The following PCBP3 variants were observed in gnomAD, a reference collection of about 807,000 sequenced individuals.
PCBP3 encodes poly(rC) binding protein 3.
A neutral mutation model predicts 52.7 loss-of-function variants in PCBP3; 25 were observed. The ratio of observed to expected loss-of-function variants is 0.47; its 90% CI spans 0.35 to 0.66. The LOEUF (loss-of-function observed/expected upper bound fraction) is 0.66, where lower values mean the gene tolerates loss of function less well. Among genes scored for constraint, PCBP3 ranks in the 30% least tolerant of loss-of-function variants. PCBP3 has a pLI of 0.01. For missense variants in PCBP3, 391 were observed against 490.3 expected (o/e 0.80, Z 1.91); for synonymous variants, 162 against 183.0 (o/e 0.89, Z 0.93).
intron 9 of PCBP3, among the ~76,000 whole-genome samples, chr21:45,908,209 C>G (rs1015554639): frequency 1.3e-5 from 2 of 152,158 alleles, no homozygotes; most frequent in African/African-American, 4.8e-5. Flanking sequence ...TGCAGTGACT[C>G]CATTCAAGGA....
chr21:45,936,542 A>G (rs1415044336), intron 16 of PCBP3, among the ~76,000 whole-genome samples: 1 of 152,192 alleles, frequency 6.6e-6, no homozygotes, highest in East Asian at 1.9e-4. Context: ...GGCACAGCCA[A>G]CTGGTCCCTG....
chr21:45,848,072 A>C (rs1048620782), intron 4 of PCBP3: 9 of 152,166 alleles, frequency 5.9e-5, no homozygotes, highest in Non-Finnish European at 1.3e-4. Flanking sequence ...TTACCAGTAG[A>C]GGGTGTCCAG....
chr21:45,740,595 CATGT>C (rs2086354440), intron 3 of PCBP3, among the ~76,000 whole-genome samples: 2 of 148,016 alleles, frequency 1.4e-5, no homozygotes, highest in African/African-American at 5.0e-5. Context: ...TGTGTGTGTG[CATGT>C]GAGTGTGTGT....
chr21:45,712,368 C>A (rs7278438), intron 2 of PCBP3, among the ~76,000 whole-genome samples: 104,042 of 152,134 alleles, frequency 0.68, 37,010 homozygotes, highest in African/African-American at 0.88. Flanking sequence ...TTCCACCAGC[C>A]GTGAATGAGA....
At chr21:45,855,925 C>A (rs914298994) in intron 5 of PCBP3, among the ~76,000 whole-genome samples, 1 of 152,228 alleles carries the variant, frequency 6.6e-6, no homozygotes, top group African/African-American at 2.4e-5. Context: ...CCGTACAAAC[C>A]GTAACATCTC....
rs55912352 is a variant in PCBP3 at position 45,853,213 on chromosome 21, G to A, written c.10+3118G>A. 0.12 allele frequency among the ~76,000 whole-genome samples: 18,401 copies of A among 152,176 alleles called. 1,238 individuals carry two copies. The highest frequency in any genetic ancestry group is 0.27 in the Middle Eastern group (80 of 294). On this transcript the variant is annotated intron_variant, in intron 5 of 17. Coordinates refer to ENST00000681687, the MANE Select transcript of PCBP3 (RefSeq NM_001384156.1). The surrounding 1 kb of genome is among the most constrained non-coding windows in gnomAD (Gnocchi z 4.6). ...GGGTTCATGGAGACAGATGCACACA[G>A]CATCTCCTTGTTGTGCTCCGTGGAT...
At chr21:45,815,171 GGTGAGTGGTGA>G (rs2092861838) in intron 4 of PCBP3, among the ~76,000 whole-genome samples, 1 of 75,596 alleles carries the variant, frequency 1.3e-5, no homozygotes, top group Admixed American at 1.4e-4. Flanking sequence ...AGTAGTGAGT[GGTGAGTGGTGA>G]GTGAGTGGTG....
At chr21:45,873,430 A>C (rs1415836809) in intron 5 of PCBP3, 1 of 152,218 alleles carries the variant, frequency 6.6e-6, no homozygotes, top group Non-Finnish European at 1.5e-5. Context: ...TTATCATTTC[A>C]GCCTTTTTCT....
At chr21:45,873,992 C>T (rs1441353257) in intron 5 of PCBP3, among the ~76,000 whole-genome samples, 1 of 152,238 alleles carries the variant, frequency 6.6e-6, no homozygotes, top group Admixed American at 6.5e-5. Context: ...TCAAGTGATC[C>T]ACCCGCCTCA....
chr21:45,846,488 T>C (rs886089349), intron 4 of PCBP3, among the ~76,000 whole-genome samples: 1 of 152,146 alleles, frequency 6.6e-6, no homozygotes, highest in South Asian at 2.1e-4. Context: ...ATCTCTATTA[T>C]TGGAGTACAA....
intron 13 of PCBP3, 96 bp from the exon 14 acceptor site, chr21:45,929,821 C>A: frequency 1.1e-6 from 1 of 890,794 alleles, no homozygotes; most frequent in Non-Finnish European, 1.9e-6. Flanking sequence ...CTCTTTCTAT[C>A]TATCTGTGCA....
intron 1 of PCBP3, among the ~76,000 whole-genome samples, chr21:45,666,582 A>C (rs1161700415): frequency 6.6e-6 from 1 of 152,020 alleles, no homozygotes; most frequent in Non-Finnish European, 1.5e-5. Flanking sequence ...AGAGTGTCTT[A>C]ATTTCTCCTT....
At chr21:45,705,443 C>A (rs1001859131) in intron 2 of PCBP3, among the ~76,000 whole-genome samples, 1 of 152,232 alleles carries the variant, frequency 6.6e-6, no homozygotes, top group Non-Finnish European at 1.5e-5. Context: ...GTCCCCTGTG[C>A]ACATAGAGAC....
At chr21:45,765,914 A>G (rs2089271788) in intron 4 of PCBP3, among the ~76,000 whole-genome samples, 1 of 152,236 alleles carries the variant, frequency 6.6e-6, no homozygotes, top group Non-Finnish European at 1.5e-5. Flanking sequence ...AAAATAATGT[A>G]TTCAAGTGGA....
intron 6 of PCBP3, among the ~76,000 whole-genome samples, chr21:45,897,316 G>A (rs1402608533): frequency 1.3e-5 from 2 of 152,176 alleles, no homozygotes; most frequent in Admixed American, 1.3e-4. Flanking sequence ...CCTGTCTCAA[G>A]TCCCTTCCAC....
rs2085207399 is a variant in PCBP3 at position 45,728,315 on chromosome 21, CAA to C, written c.-199-7075_-199-7074del. Among the ~76,000 whole-genome samples the C allele has an allele frequency of 2.0e-5, 3 of 152,096 alleles. No homozygotes were observed. In the South Asian group the frequency reaches 6.2e-4, roughly 31 times the overall value. On this transcript the variant is annotated intron_variant, in intron 2 of 17. Transcript: ENST00000681687. ...ATCATGAGTTAATACTGAATTTTGT[CAA>C]ATGTTTTCTCTGTATCTATTGAGAT...
At chr21:45,940,485 G>C (rs1290743899) in intron 17 of PCBP3, among the ~76,000 whole-genome samples, 7 of 152,224 alleles carry the variant, frequency 4.6e-5, no homozygotes, top group African/African-American at 1.7e-4. Context: ...GCCTCAGACA[G>C]GTGGCCAGAA....
intron 3 of PCBP3, among the ~76,000 whole-genome samples, chr21:45,751,902 C>T (rs2087547219): frequency 6.6e-6 from 1 of 152,198 alleles, no homozygotes; most frequent in African/African-American, 2.4e-5. Flanking sequence ...AGCACCTTTT[C>T]ATATGTTTAA....
At chr21:45,905,171 C>T (rs1339760800) in intron 9 of PCBP3, among the ~76,000 whole-genome samples, 1 of 152,156 alleles carries the variant, frequency 6.6e-6, no homozygotes, top group Non-Finnish European at 1.5e-5. Flanking sequence ...ATCCAAACTT[C>T]GAGGCTTAGC....
Sources: allele counts gnomAD v4.1 joint callset (sites outside exome capture counted in the v4.1 genomes callset), GRCh38; gene constraint gnomAD v4.1.1; non-coding constraint Gnocchi (gnomAD v3.1); transcripts MANE v1.5; gene names NCBI Gene and HGNC (gene_info 2026-07-23, HGNC 2026-07-21).